The following FBXW7 variants were observed in gnomAD, a reference collection of about 807,000 sequenced individuals.
FBXW7 encodes F-box and WD repeat domain containing 7.
Under a neutral mutation model 86.3 loss-of-function variants are expected in FBXW7, and 11 were observed. The observed-to-expected ratio is 0.13, with a 90% confidence interval of 0.08 to 0.21. The LOEUF (loss-of-function observed/expected upper bound fraction) is 0.21, where lower values mean the gene tolerates loss of function less well. Ranked by LOEUF, FBXW7 falls within the 10% of genes least tolerant of loss-of-function variation. FBXW7 has a pLI of 1.00. For missense variants in FBXW7, 488 were observed against 847.4 expected, an observed-to-expected ratio of 0.58 and a Z score of 5.27; for synonymous variants, 313 against 297.9, an observed-to-expected ratio of 1.05 and a Z score of -0.52.
At chr4:152,364,805 G>A (rs1202644182) in intron 4 of FBXW7, among the ~76,000 whole-genome samples, 1 of 152,150 alleles carries the variant, frequency 6.6e-6, no homozygotes, top group Admixed American at 6.6e-5. Flanking sequence ...ATGTATCTCT[G>A]TGATTCTACC....
chr4:152,350,404 ATATAT>A (rs1003827377), intron 4 of FBXW7, among the ~76,000 whole-genome samples: 2 of 151,674 alleles, frequency 1.3e-5, no homozygotes, highest in Non-Finnish European at 3.0e-5. Flanking sequence ...CCTTGAGATA[ATATAT>A]CTTTCATGTT....
chr4:152,410,499 G>A (rs1018136724), intron 4 of FBXW7, among the ~76,000 whole-genome samples: 2 of 152,076 alleles, frequency 1.3e-5, no homozygotes, highest in African/African-American at 4.8e-5. Flanking sequence ...TTGCAGATAG[G>A]CTAGGTAAAT....
rs75631820 is a variant in FBXW7, at chr4:152,366,087, C to T, written c.502-15963G>A. 9.9e-5 allele frequency among the ~76,000 whole-genome samples: 15 copies of T among 152,184 alleles called. No homozygotes were observed. The East Asian group carries it at 2.9e-3, about 29-fold the overall frequency. On this transcript the variant is annotated intron_variant, in intron 4 of 13. Coordinates refer to ENST00000281708, the MANE Select transcript of FBXW7 (RefSeq NM_001349798.2). The stretch of plus-strand genomic sequence containing the variant: ...TTAATTTTGAACACAATTTTAAAAA[C>T]TCATAATTTTCTAAATAAGAAATGA...
At chr4:152,509,509 A>G (rs985620218) in intron 2 of FBXW7, among the ~76,000 whole-genome samples, 2 of 152,232 alleles carry the variant, frequency 1.3e-5, no homozygotes, top group African/African-American at 2.4e-5. Flanking sequence ...TTTCATGGTA[A>G]TAACAAGAAA....
At chr4:152,394,158 C>T (rs1053934781) in intron 4 of FBXW7, among the ~76,000 whole-genome samples, 2 of 152,046 alleles carry the variant, frequency 1.3e-5, no homozygotes, top group African/African-American at 4.8e-5. Flanking sequence ...GTGATTGCTT[C>T]ATTTGTTTAT....
chr4:152,330,595 C>T (rs974401383), intron 9 of FBXW7, 137 bp downstream of exon 9: 4 of 678,168 alleles, frequency 5.9e-6, no homozygotes, highest in Admixed American at 3.2e-5. Context: ...TCAGTTAATA[C>T]TTTCAGTTAT....
At chr4:152,452,624 C>T (rs1414769291) in intron 2 of FBXW7, among the ~76,000 whole-genome samples, 2 of 151,830 alleles carry the variant, frequency 1.3e-5, no homozygotes, top group Admixed American at 6.6e-5. Flanking sequence ...TATAAATACA[C>T]GTTGAAAAAG....
chr4:152,470,749 C>T lies in FBXW7; in HGVS notation c.-119-58220G>A, dbSNP rs76841735. 3.4e-4 allele frequency among the ~76,000 whole-genome samples: 51 copies of T among 152,144 alleles called. No homozygotes were observed. The East Asian group carries it at 8.9e-3, about 26-fold the overall frequency. On this transcript the variant is annotated intron_variant, in intron 2 of 13. Coordinates refer to ENST00000281708, the MANE Select transcript of FBXW7 (RefSeq NM_001349798.2). ...ATATTTATGAAGCTCTTCTTGTCTG[C>T]CAGGCAATTTACTCTGTATTTGAAA...
intron 2 of FBXW7, among the ~76,000 whole-genome samples, chr4:152,506,990 T>G (rs1456241271): frequency 6.6e-6 from 1 of 152,242 alleles, no homozygotes; most frequent in Non-Finnish European, 1.5e-5. Flanking sequence ...CTTGCTTAGT[T>G]AAAATCTCAA....
chr4:152,413,159 T>G (rs546213137), intron 2 of FBXW7, among the ~76,000 whole-genome samples: 1 of 152,224 alleles, frequency 6.6e-6, no homozygotes, highest in Non-Finnish European at 1.5e-5. Flanking sequence ...TTTACAACAG[T>G]GTATCATAAA....
rs915695540 is a variant in FBXW7 at position 152,535,677 on chromosome 4, C to A, written c.-763G>T. The A allele has an allele frequency of 2.5e-6, 1 of 396,376 alleles. No homozygotes were observed. 24.6% of individuals were successfully genotyped at this position (396,376 alleles called of 1,614,324 possible). A position where few individuals can be genotyped will look rare whatever the true frequency, so the allele number is the denominator to read the frequency against. On this transcript the variant is annotated 5_prime_UTR_variant, in exon 1 of 14. Transcript: ENST00000281708. ...TGCGGCTGGGACCCCCCTCCCTACA[C>A]CTTGGGGGTCTCGCCCCACGCCCCA... is the stretch of plus-strand genomic sequence containing the variant.
intron 2 of FBXW7, among the ~76,000 whole-genome samples, chr4:152,462,897 C>T (rs1212863001): frequency 1.3e-5 from 2 of 151,220 alleles, no homozygotes; most frequent in Admixed American, 6.6e-5. Context: ...ATTTGAAGTA[C>T]TCCCACTTCC....
chr4:152,530,887 T>C (rs1230582285), intron 2 of FBXW7: 1 of 152,382 alleles, frequency 6.6e-6, no homozygotes, highest in Non-Finnish European at 1.5e-5. Flanking sequence ...ACAGATCATG[T>C]GGCCTGTAAA....
chr4:152,495,780 A>T (rs1228785124), intron 2 of FBXW7, among the ~76,000 whole-genome samples: 1 of 152,192 alleles, frequency 6.6e-6, no homozygotes, highest in East Asian at 1.9e-4. Flanking sequence ...TCAATAACAG[A>T]AGAAAAATAT....
At chr4:152,427,789 A>AT (rs2126937645) in intron 2 of FBXW7, among the ~76,000 whole-genome samples, 1 of 152,366 alleles carries the variant, frequency 6.6e-6, no homozygotes, top group Admixed American at 6.5e-5. Flanking sequence ...CTTTTAAAAC[A>AT]TAAGTATAAT....
chr4:152,502,214 T>C (rs1031336449), intron 2 of FBXW7, among the ~76,000 whole-genome samples: 2 of 152,206 alleles, frequency 1.3e-5, no homozygotes, highest in African/African-American at 4.8e-5. Context: ...TTTAGCTTTA[T>C]TTAGTTGTAC....
intron 5 of FBXW7, chr4:152,348,761 C>T: frequency 9.9e-7 from 1 of 1,005,702 alleles, no homozygotes; most frequent in Non-Finnish European, 1.3e-6. Flanking sequence ...ATGCAAATTT[C>T]TCATCCAAGA....
intron 2 of FBXW7, among the ~76,000 whole-genome samples, chr4:152,511,750 G>T (rs2149715200): frequency 6.6e-6 from 1 of 152,216 alleles, no homozygotes; most frequent in East Asian, 1.9e-4. Context: ...AAGATCTACT[G>T]TGAAATTAAA....
At position 152,366,854 on chromosome 4, in the gene FBXW7, T is replaced by A. The variant is rs535583666; in HGVS notation, c.502-16730A>T. On this transcript the variant is annotated intron_variant, in intron 4 of 13. Transcript: ENST00000281708. Reference sequence around the variant, plus strand: ...ATGTTTATTGTGGCACTATTCACAATAGCAAAGACTTGCAACCAACCCAAA... The same window carrying A: ...ATGTTTATTGTGGCACTATTCACAAAAGCAAAGACTTGCAACCAACCCAAA... Among the ~76,000 whole-genome samples the A allele has an allele frequency of 9.2e-5, 14 of 152,274 alleles. 1 individual carries two copies. The South Asian group carries it at 2.9e-3, about 32-fold the overall frequency.
Sources: gnomAD v4.1 joint callset for allele counts (sites outside exome capture counted in the v4.1 genomes callset) on GRCh38, gnomAD v4.1.1 for gene constraint, MANE v1.5 for transcripts, NCBI Gene and HGNC (gene_info 2026-07-23, HGNC 2026-07-21) for gene names.